Variants in C2orf49 observed in about 807,000 individuals in gnomAD.
C2orf49 encodes the protein tRNA-splicing ligase complex subunit ASW.
Under a neutral mutation model 20.6 loss-of-function variants are expected in C2orf49, and 11 were observed. The ratio of observed to expected loss-of-function variants is 0.53; its 90% CI spans 0.34 to 0.88. The LOEUF is 0.88. Among genes scored for constraint, C2orf49 ranks in the 40% least tolerant of loss-of-function variants. The pLI, the probability that C2orf49 is intolerant of heterozygous loss-of-function variation, is 0.02. For synonymous variants in C2orf49, 134 were observed against 108.5 expected, an observed-to-expected ratio of 1.24 and a Z score of -1.46; for missense variants, 289 against 274.2, an observed-to-expected ratio of 1.05 and a Z score of -0.38.
At chr2:105,364,045 T>C in the C2orf49 span, among the ~76,000 whole-genome samples, 9 of 152,266 alleles carry the variant, frequency 5.9e-5, no homozygotes, top group East Asian at 1.7e-3. Flanking sequence ...TCACTTGAGG[T>C]CAGGAGTTCG....
intron 1 of C2orf49, 76 bp from the exon 2 acceptor site, chr2:105,339,507 A>G (rs1464260233): frequency 7.3e-7 from 1 of 1,363,716 alleles, no homozygotes; most frequent in African/African-American, 1.5e-5. Flanking sequence ...GTAATGTTTT[A>G]CCATGTTAGG....
At chr2:105,350,442 G>A (rs1679907677), downstream of C2orf49, among the ~76,000 whole-genome samples, 1 of 152,196 alleles carries the variant, frequency 6.6e-6, no homozygotes, top group Non-Finnish European at 1.5e-5. Context: ...GAAGCTGTTT[G>A]TTAACTCTGT....
At chr2:105,379,071 C>A in the C2orf49 span, among the ~76,000 whole-genome samples, 2 of 152,188 alleles carry the variant, frequency 1.3e-5, no homozygotes, top group African/African-American at 4.8e-5. Flanking sequence ...TTGGTTATTT[C>A]ACCCTAGGGG....
the C2orf49 span, among the ~76,000 whole-genome samples, chr2:105,375,077 A>G: frequency 1.3e-5 from 2 of 152,148 alleles, no homozygotes; most frequent in African/African-American, 4.8e-5. Context: ...GAAAGTCCTA[A>G]AACACCAGCT....
Position 105,343,003 on chromosome 2 carries a change from A to G in C2orf49, c.422A>G (p.Lys141Arg). ...AGCTTTACCAGTAATGCCTTTAGAAAATTATCAAATTCCTCTTCGAGTGTT... is the reference window on the plus strand; with the variant it reads ...AGCTTTACCAGTAATGCCTTTAGAAGATTATCAAATTCCTCTTCGAGTGTT... ...QASFTSNAFR[K>R]LSNSSSSVSP... Residue 141 changes from lysine to arginine, a missense_variant, in exon 3 of 4, where the codon AAA becomes AGA. Transcript: ENST00000258457. The G allele has an allele frequency of 6.2e-7, 1 of 1,614,212 alleles. No homozygotes were observed. Among genetic ancestry groups the G allele is most frequent in the Non-Finnish European group, 8.5e-7 (1 of 1,180,032 alleles).
At chr2:105,340,550 G>A (rs573379572) in intron 2 of C2orf49, among the ~76,000 whole-genome samples, 1 of 152,298 alleles carries the variant, frequency 6.6e-6, no homozygotes, top group Non-Finnish European at 1.5e-5. Context: ...TGAGGAAAAA[G>A]TCAAGTCAGG....
chr2:105,339,047 G>C (rs558620880), intron 1 of C2orf49, among the ~76,000 whole-genome samples: 3 of 152,320 alleles, frequency 2.0e-5, no homozygotes, highest in African/African-American at 7.2e-5. Flanking sequence ...TGCTACTGTC[G>C]TCAGTACGGG....
the C2orf49 span, chr2:105,367,546 G>C: frequency 6.3e-7 from 1 of 1,585,668 alleles, no homozygotes; most frequent in Admixed American, 1.7e-5. Flanking sequence ...GAACGTGCAA[G>C]GGCCAAGGGG....
At chr2:105,345,254 C>T (rs1679781139) in intron 3 of C2orf49, 61 bp from the exon 4 acceptor site, 7 of 1,438,760 alleles carry the variant, frequency 4.9e-6, no homozygotes, top group Non-Finnish European at 6.8e-6. Flanking sequence ...TTGAAATGTT[C>T]ATTTTAGTTG....
chr2:105,339,092 C>T (rs1276027478), intron 1 of C2orf49, among the ~76,000 whole-genome samples: 1 of 152,190 alleles, frequency 6.6e-6, no homozygotes, highest in East Asian at 1.9e-4. Flanking sequence ...TATTTGAAAT[C>T]TTGGTAGTTA....
chr2:105,373,751 A>T, the C2orf49 span: 1 of 1,613,124 alleles, frequency 6.2e-7, no homozygotes, highest in African/African-American at 1.3e-5. Context: ...GCCAGACCAC[A>T]CAAGACAGTC....
the C2orf49 span, among the ~76,000 whole-genome samples, chr2:105,379,173 C>T: frequency 6.6e-6 from 1 of 152,180 alleles, no homozygotes; most frequent in Non-Finnish European, 1.5e-5. Flanking sequence ...GTAATTGAAC[C>T]TCTCTTGCCA....
the C2orf49 span, chr2:105,373,831 A>C: frequency 7.7e-7 from 1 of 1,296,834 alleles, no homozygotes; most frequent in Non-Finnish European, 1.1e-6. Context: ...CAAACAAGGA[A>C]AGAAGTTGGG....
chr2:105,377,827 AGGGAGAGG>A, the C2orf49 span: 5 of 343,696 alleles, frequency 1.5e-5, no homozygotes, highest in East Asian at 7.6e-5. Context: ...AGTAGGCGCC[AGGGAGAGG>A]GGAGGAGATC....
At chr2:105,363,233 C>A in the C2orf49 span, 2 of 1,579,866 alleles carry the variant, frequency 1.3e-6, no homozygotes, top group South Asian at 1.1e-5. Flanking sequence ...AAATGCTAGG[C>A]CTTGTTCAAG....
chr2:105,361,913 GAGAGGGATATTGTCGCAGTGGGA>G, the C2orf49 span, among the ~76,000 whole-genome samples: 1 of 152,316 alleles, frequency 6.6e-6, no homozygotes, highest in East Asian at 1.9e-4. Flanking sequence ...GGAATGAGGG[GAGAGGGATATTGTCGCAGTGGGA>G]AGATCCTGAG....
downstream of C2orf49, among the ~76,000 whole-genome samples, chr2:105,353,903 G>C (rs890870757): frequency 1.1e-4 from 16 of 152,138 alleles, no homozygotes; most frequent in African/African-American, 3.6e-4. Context: ...CTTTTATTTT[G>C]CTTTAATATA....
chr2:105,339,281 C>T (rs1350603073), intron 1 of C2orf49, among the ~76,000 whole-genome samples: 3 of 152,120 alleles, frequency 2.0e-5, no homozygotes, highest in African/African-American at 7.2e-5. Context: ...TTTTCAATCC[C>T]CTTTGTATAT....
chr2:105,375,487 C>T, the C2orf49 span: 1 of 152,178 alleles, frequency 6.6e-6, no homozygotes, highest in Non-Finnish European at 1.5e-5. Context: ...AAAATACAAA[C>T]ATTAGCCGGG....
Sources: gnomAD v4.1 joint callset for allele counts (sites outside exome capture counted in the v4.1 genomes callset) on GRCh38, gnomAD v4.1.1 for gene constraint, MANE v1.5 for transcripts, NCBI Gene and HGNC (gene_info 2026-07-23, HGNC 2026-07-21) for gene names.